ARID1B: variants seen among roughly 807,000 people sequenced by gnomAD.
ARID1B encodes AT-rich interactive domain-containing protein 1B.
In ARID1B, 30 loss-of-function variants were observed where a neutral mutation model predicts 212.3. The ratio of observed to expected loss-of-function variants is 0.14; its 90% CI spans 0.11 to 0.19. The LOEUF (loss-of-function observed/expected upper bound fraction) is 0.19, where lower values mean the gene tolerates loss of function less well. Among genes scored for constraint, ARID1B ranks in the 10% least tolerant of loss-of-function variants. The pLI is 1.00. For missense variants in ARID1B, 2,891 were observed against 3,204.0 expected, an observed-to-expected ratio of 0.90 and a Z score of 2.36; for synonymous variants, 1,402 against 1,301.7, an observed-to-expected ratio of 1.08 and a Z score of -1.66.
chr6:156,852,094 A>G (rs1211967613), intron 2 of ARID1B, among the ~76,000 whole-genome samples: 2 of 152,060 alleles, frequency 1.3e-5, no homozygotes, highest in Non-Finnish European at 1.5e-5. Context: ...ATTTTGTTCA[A>G]TTGTAATAGC....
chr6:156,839,314 G>A (rs1299669345), intron 2 of ARID1B, among the ~76,000 whole-genome samples: 3 of 152,224 alleles, frequency 2.0e-5, no homozygotes, highest in Admixed American at 6.5e-5. Context: ...ATCACAGGGT[G>A]AGAGGGTAGT....
At chr6:157,056,637 G>T (rs765375417) in intron 4 of ARID1B, among the ~76,000 whole-genome samples, 6 of 152,142 alleles carry the variant, frequency 3.9e-5, no homozygotes, top group Non-Finnish European at 7.3e-5. Context: ...ATCTTCATAG[G>T]CATGCAAATA....
chr6:157,145,626 G>T (rs941920118), intron 7 of ARID1B, among the ~76,000 whole-genome samples: 5 of 152,180 alleles, frequency 3.3e-5, no homozygotes, highest in Admixed American at 3.3e-4. Flanking sequence ...GTGAATTTAA[G>T]AAAGCCGGTT....
intron 4 of ARID1B, among the ~76,000 whole-genome samples, chr6:157,041,895 G>C (rs1044858908): frequency 6.6e-6 from 1 of 152,200 alleles, no homozygotes; most frequent in Non-Finnish European, 1.5e-5. Flanking sequence ...GACACACCCA[G>C]ATCTAGCAGA....
At chr6:157,107,934 A>G (rs952348481) in intron 5 of ARID1B, 11 of 152,216 alleles carry the variant, frequency 7.2e-5, no homozygotes, top group Non-Finnish European at 1.2e-4. Context: ...ACATGGGCCA[A>G]GGACACAAAT....
intron 4 of ARID1B, among the ~76,000 whole-genome samples, chr6:157,067,960 C>T (rs895291951): frequency 3.3e-5 from 5 of 152,176 alleles, no homozygotes; most frequent in African/African-American, 4.8e-5. Context: ...CTAAAACAAT[C>T]GTAGGTACTT....
intron 2 of ARID1B, among the ~76,000 whole-genome samples, chr6:156,842,819 C>T (rs566305558): frequency 2.6e-5 from 4 of 152,300 alleles, no homozygotes; most frequent in East Asian, 1.9e-4. Flanking sequence ...CTATAATTCT[C>T]GCCAAATCCA....
chr6:157,206,467 G>C lies in ARID1B; in HGVS notation c.5695G>C (p.Glu1899Gln). The C allele has an allele frequency of 6.2e-7, 1 of 1,614,046 alleles. No individual in the cohort carries two copies. Among genetic ancestry groups the C allele is most frequent in the Non-Finnish European group, 8.5e-7 (1 of 1,180,036 alleles). The change falls in exon 20 of 20, where the codon GAG becomes CAG. Residue 1899 changes from glutamate (E) to glutamine (Q), a missense_variant. Glu to Gln is a conservative substitution (Grantham distance 29). Transcript: ENST00000636930. The surrounding 1 kb of genome is among the most constrained non-coding windows in gnomAD (Gnocchi z 6.8). ...TAPDAAADPK[E>Q]KPKQASKFDK... Reference sequence around the variant, plus strand: ...CCCGGACGCCGCTGCAGACCCAAAGGAGAAGCCCAAGCAAGCCAGTAAGTT... The same window carrying C: ...CCCGGACGCCGCTGCAGACCCAAAGCAGAAGCCCAAGCAAGCCAGTAAGTT...
At chr6:157,039,475 C>T (rs916970966) in intron 4 of ARID1B, among the ~76,000 whole-genome samples, 9 of 151,346 alleles carry the variant, frequency 5.9e-5, no homozygotes, top group South Asian at 2.1e-4. Flanking sequence ...GGACTACAGG[C>T]GCCCGCCACC....
At chr6:156,979,275 G>A (rs1777459287) in intron 4 of ARID1B, among the ~76,000 whole-genome samples, 1 of 152,214 alleles carries the variant, frequency 6.6e-6, no homozygotes, top group Non-Finnish European at 1.5e-5. Context: ...TGCCTAGGTG[G>A]AAACTTACCT....
chr6:156,823,549 AC>A (rs1456241976), intron 1 of ARID1B, among the ~76,000 whole-genome samples: 1 of 152,158 alleles, frequency 6.6e-6, no homozygotes, highest in Non-Finnish European at 1.5e-5. Context: ...TTCTTTAGTT[AC>A]TGGTAAGAGA....
At chr6:156,832,045 CAG>C (rs1223815058) in intron 2 of ARID1B, among the ~76,000 whole-genome samples, 3 of 152,068 alleles carry the variant, frequency 2.0e-5, no homozygotes, top group African/African-American at 4.8e-5. Flanking sequence ...CTAAAAATAA[CAG>C]AATGCACTTT....
chr6:157,124,389 T>C (rs1423403319), intron 6 of ARID1B, among the ~76,000 whole-genome samples: 1 of 152,222 alleles, frequency 6.6e-6, no homozygotes, highest in Admixed American at 6.5e-5. Flanking sequence ...ACAATAGCAG[T>C]ATGCTAACTG....
In ARID1B at chr6:157,206,140, C is replaced by G. The variant is rs759951109; in HGVS notation, c.5395-27C>G. The G allele has an allele frequency of 2.5e-6, 4 of 1,609,130 alleles. No homozygotes were observed. Among genetic ancestry groups the G allele is most frequent in the Non-Finnish European group, 3.4e-6 (4 of 1,177,114 alleles). ...TGTCATGACATTGTACCTGTTCTTT[C>G]TTTCTTCTCCTCCTCCTCCTCTCCA... On this transcript the variant is annotated intron_variant, in intron 19 of 19. Coordinates refer to ENST00000636930, the MANE Select transcript of ARID1B (RefSeq NM_001374828.1). This position sits in a 1 kb window ranked among gnomAD's most constrained non-coding sequence, Gnocchi z 6.8.
chr6:157,200,719 T>C lies in ARID1B; in HGVS notation c.4494T>C (p.His1498=). The C allele has an allele frequency of 6.2e-7, 1 of 1,608,858 alleles. No individual in the cohort carries two copies. Among genetic ancestry groups the C allele is most frequent in the Non-Finnish European group, 8.5e-7 (1 of 1,177,556 alleles). Residue 1498 remains histidine (H), a synonymous_variant, in exon 18 of 20, where the codon CAT becomes CAC. Coordinates refer to ENST00000636930, the MANE Select transcript of ARID1B (RefSeq NM_001374828.1). The surrounding 1 kb of genome is among the most constrained non-coding windows in gnomAD (Gnocchi z 4.3). ...GTGAATTCCAGAATTACAAACGCCA[T>C]ATGGACGGCATGTACGGGCCCCCAG... The part of the protein sequence containing the change: ...LYPQQPNYKR[H]MDGMYGPPAK...
At chr6:157,117,616 C>T (rs570463494) in intron 6 of ARID1B, among the ~76,000 whole-genome samples, 49 of 152,334 alleles carry the variant, frequency 3.2e-4, no homozygotes, top group African/African-American at 1.1e-3. Context: ...ATGTCGGCAG[C>T]AGGCTGGGGC....
intron 8 of ARID1B, among the ~76,000 whole-genome samples, chr6:157,154,579 T>TTTG (rs1180598325): frequency 2.2e-5 from 3 of 137,898 alleles, no homozygotes; most frequent in African/African-American, 9.0e-5. Context: ...TTTTTTTTTT[T>TTTG]GTTTTTTTTT....
intron 1 of ARID1B, among the ~76,000 whole-genome samples, chr6:156,824,608 T>C (rs1782613391): frequency 6.6e-6 from 1 of 151,880 alleles, no homozygotes; most frequent in African/African-American, 2.4e-5. Context: ...CTACAAAAAA[T>C]ACAAAAATAA....
chr6:156,929,818 G>A (rs775501812), intron 3 of ARID1B, among the ~76,000 whole-genome samples: 5 of 152,006 alleles, frequency 3.3e-5, no homozygotes, highest in Non-Finnish European at 7.4e-5. Flanking sequence ...CTCTTACTAG[G>A]TGCCATTGCC....
Sources: allele counts gnomAD v4.1 joint callset (sites outside exome capture counted in the v4.1 genomes callset), GRCh38; gene constraint gnomAD v4.1.1; non-coding constraint Gnocchi (gnomAD v3.1); transcripts MANE v1.5; gene names NCBI Gene and HGNC (gene_info 2026-07-23, HGNC 2026-07-21).